Variants in PAX3 observed in about 807,000 individuals in gnomAD.
PAX3 encodes paired box protein Pax-3.
A neutral mutation model predicts 51.6 loss-of-function variants in PAX3; 14 were observed. That is an observed-to-expected ratio of 0.27 (90% CI 0.18 to 0.42). The LOEUF is 0.42. PAX3 is among the 10% of genes least tolerant of loss of function. The pLI, the probability that PAX3 is intolerant of heterozygous loss-of-function variation, is 1.00. For missense variants in PAX3, 540 were observed against 642.8 expected, an observed-to-expected ratio of 0.84 and a Z score of 1.73; for synonymous variants, 280 against 253.4, an observed-to-expected ratio of 1.11 and a Z score of -1.00.
intron 6 of PAX3, 145 bp from the exon 7 acceptor site, chr2:222,220,499 C>G: frequency 1.3e-6 from 1 of 762,934 alleles, no homozygotes; most frequent in Non-Finnish European, 2.3e-6. Flanking sequence ...TCTTAACCTG[C>G]AGGTGTAGAA....
Position 222,298,579 on chromosome 2 carries a change from G to A in PAX3, c.37C>T (p.Arg13Trp). Reference protein sequence around the residue: ...TLAGAVPRMMRPGPGQNYPRS... With the variant: ...TLAGAVPRMMWPGPGQNYPRS... Reference sequence around the variant, plus strand: ...GGGTAGTTCTGCCCCGGGCCCGGCCGCATCATCCTGGGCACAGCGCCGGCC... The same window carrying A: ...GGGTAGTTCTGCCCCGGGCCCGGCCACATCATCCTGGGCACAGCGCCGGCC... Residue 13 changes from arginine (R) to tryptophan (W), a missense_variant, in exon 1 of 9, where the codon CGG becomes TGG. Arg to Trp is a moderately radical substitution (Grantham distance 101, BLOSUM62 -3). Transcript: ENST00000392070. 1 of 1,608,524 alleles carries A rather than the reference G, an allele frequency of 6.2e-7. No individual in the cohort carries two copies. The highest frequency in any genetic ancestry group is 8.5e-7 in the Non-Finnish European group (1 of 1,177,888).
chr2:222,254,524 C>T (rs1014045531), intron 4 of PAX3, among the ~76,000 whole-genome samples: 1 of 152,168 alleles, frequency 6.6e-6, no homozygotes, highest in Non-Finnish European at 1.5e-5. Context: ...ATCAAAAAGG[C>T]ATCTGGCAGA....
intron 1 of PAX3, 150 bp from the exon 2 acceptor site, chr2:222,297,363 C>T (rs926615984): frequency 2.9e-6 from 2 of 701,230 alleles, no homozygotes; most frequent in Admixed American, 2.1e-5. Flanking sequence ...CTCCCAGACC[C>T]AGACCTCCTT....
rs1255085664 is a variant in PAX3, at chr2:222,296,996, G to A, written c.303C>T (p.Ile101=). The A allele has an allele frequency of 1.9e-6, 3 of 1,613,312 alleles. No homozygotes were observed. Among genetic ancestry groups the A allele is most frequent in the South Asian group, 1.1e-5 (1 of 90,954 alleles). The change falls in exon 2 of 9, where the codon ATC becomes ATT. Residue 101 remains isoleucine (I), a synonymous_variant. Transcript: ENST00000392070. ...CGCTCACCTTGGGCTTGCTGCCGCC[G>A]ATGGCACCAGGACGTATGGAGCCAG... ...QETGSIRPGA[I]GGSKPKQVTT...
intron 5 of PAX3, among the ~76,000 whole-genome samples, chr2:222,230,338 C>T (rs1436891956): frequency 1.3e-5 from 2 of 149,402 alleles, no homozygotes; most frequent in African/African-American, 5.0e-5. Flanking sequence ...TGCATGTTCT[C>T]ACTCATGAGT....
chr2:222,283,505 G>A (rs1033257345), intron 4 of PAX3, among the ~76,000 whole-genome samples: 1 of 152,056 alleles, frequency 6.6e-6, no homozygotes, highest in African/African-American at 2.4e-5. Flanking sequence ...AAATAAATAC[G>A]ATAATTTTTT....
At chr2:222,258,345 T>C (rs983900791) in intron 4 of PAX3, among the ~76,000 whole-genome samples, 2 of 152,210 alleles carry the variant, frequency 1.3e-5, no homozygotes, top group Non-Finnish European at 2.9e-5. Flanking sequence ...TTTATTATTA[T>C]TACCCATTAT....
At chr2:222,255,990 C>T (rs1222552998) in intron 4 of PAX3, among the ~76,000 whole-genome samples, 3 of 136,240 alleles carry the variant, frequency 2.2e-5, no homozygotes, top group African/African-American at 8.5e-5. Flanking sequence ...AGGATGGTCT[C>T]GATTTCCTGA....
At chr2:222,294,098 A>C in intron 4 of PAX3, 69 bp downstream of exon 4, 2 of 1,607,106 alleles carry the variant, frequency 1.2e-6, no homozygotes, top group Non-Finnish European at 1.7e-6. Flanking sequence ...CCGTCAGATC[A>C]CCAATGTCAG....
At chr2:222,205,523 G>A (rs1014299168) in intron 7 of PAX3, among the ~76,000 whole-genome samples, 2 of 152,132 alleles carry the variant, frequency 1.3e-5, no homozygotes. Flanking sequence ...TTTCCACTGT[G>A]ATGGTCACAT....
chr2:222,254,956 T>A (rs781693573), intron 4 of PAX3, among the ~76,000 whole-genome samples: 1 of 152,130 alleles, frequency 6.6e-6, no homozygotes, highest in Non-Finnish European at 1.5e-5. Flanking sequence ...CTAATTTTTG[T>A]ATTTTTAGAA....
chr2:222,291,550 C>T (rs1695038844), intron 4 of PAX3, among the ~76,000 whole-genome samples: 1 of 152,178 alleles, frequency 6.6e-6, no homozygotes, highest in African/African-American at 2.4e-5. Context: ...TTCAAAGTGG[C>T]TCAACCCTTT....
intron 4 of PAX3, among the ~76,000 whole-genome samples, chr2:222,254,654 G>GCA (rs1693568223): frequency 6.6e-6 from 1 of 152,088 alleles, no homozygotes; most frequent in Non-Finnish European, 1.5e-5. Context: ...GTTAATAAAT[G>GCA]ATTATTTCAT....
intron 7 of PAX3, among the ~76,000 whole-genome samples, 190 bp from the exon 8 acceptor site, chr2:222,202,380 T>C (rs1691330884): frequency 6.6e-6 from 1 of 150,708 alleles, no homozygotes; most frequent in South Asian, 2.1e-4. Context: ...AACATCTGAC[T>C]GCAGTTGCAG....
At chr2:222,241,071 A>G (rs1299274211) in intron 4 of PAX3, among the ~76,000 whole-genome samples, 1 of 152,240 alleles carries the variant, frequency 6.6e-6, no homozygotes, top group Non-Finnish European at 1.5e-5. Context: ...ATTAAAATTA[A>G]GAGCCAGGGC....
intron 4 of PAX3, among the ~76,000 whole-genome samples, chr2:222,291,851 C>G (rs1695051146): frequency 6.6e-6 from 1 of 152,142 alleles, no homozygotes; most frequent in Non-Finnish European, 1.5e-5. Context: ...TCACTCTGTC[C>G]TTTCTCTGGG....
chr2:222,252,438 T>C (rs902272949), intron 4 of PAX3, among the ~76,000 whole-genome samples: 1 of 152,212 alleles, frequency 6.6e-6, no homozygotes, highest in Non-Finnish European at 1.5e-5. Context: ...AGAGAGGTTA[T>C]ATACTAATAG....
At chr2:222,214,925 C>T (rs558379597) in intron 7 of PAX3, 2 of 151,858 alleles carry the variant, frequency 1.3e-5, no homozygotes, top group Non-Finnish European at 2.9e-5. Flanking sequence ...AGCCTATTTT[C>T]TTATTTTGTC....
intron 5 of PAX3, 108 bp from the exon 6 acceptor site, chr2:222,221,495 A>C (rs1026129951): frequency 9.7e-7 from 1 of 1,029,772 alleles, no homozygotes; most frequent in Non-Finnish European, 1.5e-6. Flanking sequence ...GAAAGGGCAA[A>C]TAGATGCAAG....
Sources: gnomAD v4.1 joint callset for allele counts (sites outside exome capture counted in the v4.1 genomes callset) on GRCh38, gnomAD v4.1.1 for gene constraint, MANE v1.5 for transcripts, NCBI Gene and HGNC (gene_info 2026-07-23, HGNC 2026-07-21) for gene names.